Variants in GABRA5 observed in about 807,000 individuals in gnomAD.
The protein encoded by GABRA5 is gamma-aminobutyric acid receptor subunit alpha-5.
GABRA5 carries 18 observed loss-of-function variants against 47.3 expected under a neutral mutation model. The observed-to-expected ratio is 0.38, with a 90% CI of 0.26 to 0.56. The LOEUF is 0.56. Among genes scored for constraint, GABRA5 ranks in the 20% least tolerant of loss-of-function variants. The probability of loss-of-function intolerance (pLI) is 0.71; values close to 1 mark genes in which losing one functional copy is unlikely to be tolerated. For synonymous variants in GABRA5, 237 were observed against 229.3 expected, an observed-to-expected ratio of 1.03 and a Z score of -0.30; for missense variants, 365 against 599.3, an observed-to-expected ratio of 0.61 and a Z score of 4.08.
At chr15:26,871,978 C>T (rs569989033) in intron 3 of GABRA5, among the ~76,000 whole-genome samples, 5 of 152,232 alleles carry the variant, frequency 3.3e-5, no homozygotes, top group East Asian at 1.9e-4. Flanking sequence ...CTTGACCCTG[C>T]GCGCCCAATT....
intron 6 of GABRA5, among the ~76,000 whole-genome samples, chr15:26,894,728 G>A (rs916851453): frequency 2.6e-5 from 4 of 152,068 alleles, no homozygotes; most frequent in African/African-American, 9.7e-5. Flanking sequence ...CTCACCGGAG[G>A]AGGTGTCCCT....
chr15:26,904,592 A>G (rs1348869208), intron 6 of GABRA5, among the ~76,000 whole-genome samples: 1 of 152,168 alleles, frequency 6.6e-6, no homozygotes, highest in Non-Finnish European at 1.5e-5. Flanking sequence ...CTTCCTATCC[A>G]TGAGCATGGA....
At chr15:26,887,549 C>T (rs1047251679) in intron 6 of GABRA5, among the ~76,000 whole-genome samples, 1 of 152,042 alleles carries the variant, frequency 6.6e-6, no homozygotes, top group African/African-American at 2.4e-5. Context: ...CCAGGCTGAT[C>T]TTGAACTCCT....
intron 6 of GABRA5, among the ~76,000 whole-genome samples, chr15:26,913,080 A>T (rs1384289779): frequency 1.4e-5 from 2 of 142,484 alleles, no homozygotes; most frequent in Non-Finnish European, 3.1e-5. Flanking sequence ...GCTACTCAGG[A>T]GGCTGAGGCA....
At chr15:26,892,695 A>T (rs566612196) in intron 6 of GABRA5, among the ~76,000 whole-genome samples, 9 of 152,232 alleles carry the variant, frequency 5.9e-5, no homozygotes, top group Admixed American at 3.9e-4. Context: ...GCATTGCTTC[A>T]AGCAATATTA....
intron 6 of GABRA5, among the ~76,000 whole-genome samples, chr15:26,903,645 A>G (rs1227664162): frequency 6.6e-6 from 1 of 152,062 alleles, no homozygotes; most frequent in East Asian, 1.9e-4. Context: ...AGTAATAGCC[A>G]TTTGACTGGT....
At chr15:26,913,892 A>G (rs1315769447) in intron 6 of GABRA5, among the ~76,000 whole-genome samples, 1 of 152,026 alleles carries the variant, frequency 6.6e-6, no homozygotes, top group Non-Finnish European at 1.5e-5. Context: ...AGCCTGGGTG[A>G]TTGTTATTGT....
chr15:26,940,098 C>A (rs1000902749), intron 9 of GABRA5, 21 bp downstream of exon 9: 1 of 1,597,644 alleles, frequency 6.3e-7, no homozygotes, highest in African/African-American at 1.3e-5. Flanking sequence ...CCAAGCCAGG[C>A]CTGGACACTG....
chr15:26,892,013 G>A (rs973926561), intron 6 of GABRA5, among the ~76,000 whole-genome samples: 1 of 152,218 alleles, frequency 6.6e-6, no homozygotes, highest in African/African-American at 2.4e-5. Flanking sequence ...AGCAGCCACC[G>A]CCTGGCAGGA....
chr15:26,882,388 C>T (rs1033706758), intron 4 of GABRA5, among the ~76,000 whole-genome samples: 4 of 152,140 alleles, frequency 2.6e-5, no homozygotes, highest in South Asian at 2.1e-4. Flanking sequence ...ATCATCACAC[C>T]GCGAGCTGCT....
rs147222348 is a variant in GABRA5, at chr15:26,901,374, C to A, written c.498-13429C>A. On this transcript the variant is annotated intron_variant, in intron 6 of 10. Coordinates refer to ENST00000335625, the MANE Select transcript of GABRA5 (RefSeq NM_000810.4). ...CATTTTAGGAGATGTGTAGTGATATCTCAATGTTGCTTTAATTTGTGTTTT... is the reference window on the plus strand; with the variant it reads ...CATTTTAGGAGATGTGTAGTGATATATCAATGTTGCTTTAATTTGTGTTTT... 4.1e-3 allele frequency among the ~76,000 whole-genome samples: 624 copies of A among 152,264 alleles called. 5 individuals carry two copies. Among genetic ancestry groups the A allele is most frequent in the African/African-American group, 0.014 (581 of 41,558 alleles).
At chr15:26,908,998 G>C (rs1256715671) in intron 6 of GABRA5, among the ~76,000 whole-genome samples, 1 of 152,178 alleles carries the variant, frequency 6.6e-6, no homozygotes, top group Non-Finnish European at 1.5e-5. Flanking sequence ...TCCTGTTGCT[G>C]CTTAACAAAT....
intron 6 of GABRA5, among the ~76,000 whole-genome samples, chr15:26,896,020 G>T (rs1336198803): frequency 6.6e-6 from 1 of 151,862 alleles, no homozygotes; most frequent in Non-Finnish European, 1.5e-5. Flanking sequence ...CCCTGTGGTC[G>T]CACATTCTTC....
chr15:26,937,465 C>A, intron 8 of GABRA5, 137 bp downstream of exon 8: 1 of 894,984 alleles, frequency 1.1e-6, no homozygotes, highest in Non-Finnish European at 1.6e-6. Context: ...CTGTCCTGGC[C>A]AGCTGTGCTC....
intron 6 of GABRA5, among the ~76,000 whole-genome samples, chr15:26,886,379 T>C (rs1207122341): frequency 1.3e-5 from 2 of 152,192 alleles, no homozygotes; most frequent in African/African-American, 4.8e-5. Flanking sequence ...TGAAGCATTG[T>C]TGTCTGAATG....
At chr15:26,897,010 A>G (rs1405166047) in intron 6 of GABRA5, among the ~76,000 whole-genome samples, 3 of 150,594 alleles carry the variant, frequency 2.0e-5, no homozygotes, top group African/African-American at 4.9e-5. Flanking sequence ...AAATCTCTAC[A>G]TCTTAGAGAT....
intron 6 of GABRA5, among the ~76,000 whole-genome samples, chr15:26,894,816 T>A (rs1252281546): frequency 2.0e-5 from 3 of 152,194 alleles, no homozygotes; most frequent in Non-Finnish European, 4.4e-5. Flanking sequence ...GGCCGCAGAA[T>A]ATCTGGTTCC....
rs111726286 is a variant in GABRA5, at chr15:26,937,263, C to T, written c.659C>T (p.Ser220Phe). The T allele has an allele frequency of 6.2e-7, 1 of 1,613,944 alleles. No individual in the cohort carries two copies. The highest frequency in any genetic ancestry group is 8.5e-7 in the Non-Finnish European group (1 of 1,179,868). The change falls in exon 8 of 11, where the codon TCC becomes TTC. Residue 220 changes from serine to phenylalanine, a missense_variant. Ser to Phe is a radical substitution (Grantham distance 155). Coordinates refer to ENST00000335625, the MANE Select transcript of GABRA5 (RefSeq NM_000810.4). ...TCGGTGGTGGTGGCGGAAGATGGCT[C>T]CAGACTGAACCAGTACCACCTGATG... Reference protein sequence around the residue: ...TKSVVVAEDGSRLNQYHLMGQ... With the variant: ...TKSVVVAEDGFRLNQYHLMGQ...
At chr15:26,877,005 G>T (rs1395456093) in intron 3 of GABRA5, among the ~76,000 whole-genome samples, 1 of 152,190 alleles carries the variant, frequency 6.6e-6, no homozygotes, top group Admixed American at 6.5e-5. Flanking sequence ...AGGATTCTGA[G>T]TTGGGCAGCA....
Sources: gnomAD v4.1 joint callset for allele counts (sites outside exome capture counted in the v4.1 genomes callset) on GRCh38, gnomAD v4.1.1 for gene constraint, MANE v1.5 for transcripts, NCBI Gene and HGNC (gene_info 2026-07-23, HGNC 2026-07-21) for gene names.